Variants in DNAJC1 observed in about 807,000 individuals in gnomAD.
DNAJC1 encodes DnaJ heat shock protein family (Hsp40) member C1, also known as dnaJ homolog subfamily C member 1.
In DNAJC1, 58 loss-of-function variants were observed where a neutral mutation model predicts 76.6. The observed-to-expected ratio is 0.76, with a 90% confidence interval of 0.61 to 0.94. The LOEUF (loss-of-function observed/expected upper bound fraction) is 0.94, where lower values mean the gene tolerates loss of function less well. DNAJC1 is among the 40% of genes least tolerant of loss of function. The pLI is 0.00. For synonymous variants in DNAJC1, 258 were observed against 267.9 expected (o/e 0.96, Z 0.36); for missense variants, 689 against 677.3 (o/e 1.02, Z -0.19).
In DNAJC1 at chr10:21,774,174, C is replaced by T. The variant is rs1282246949; in HGVS notation, c.1099-7865G>A. 2.0e-5 allele frequency among the ~76,000 whole-genome samples: 3 copies of T among 149,474 alleles called. No individual in the cohort carries two copies. The East Asian group carries it at 5.9e-4, about 29-fold the overall frequency. ...AAAAAAAAAAAGATGTATAAAGATACAGAATATATTGCATTTTACCTAAAT... is the reference window on the plus strand; with the variant it reads ...AAAAAAAAAAAGATGTATAAAGATATAGAATATATTGCATTTTACCTAAAT... On this transcript the variant is annotated intron_variant, in intron 9 of 11. Coordinates refer to ENST00000376980, the MANE Select transcript of DNAJC1 (RefSeq NM_022365.4).
At chr10:21,954,729 G>A (rs1006107561) in intron 1 of DNAJC1, among the ~76,000 whole-genome samples, 46 of 152,162 alleles carry the variant, frequency 3.0e-4, no homozygotes, top group African/African-American at 1.1e-3. Context: ...TTCCTACTAT[G>A]TACCAGGTAC....
chr10:21,952,715 C>A (rs1019685569), intron 1 of DNAJC1, among the ~76,000 whole-genome samples: 5 of 151,996 alleles, frequency 3.3e-5, no homozygotes, highest in Non-Finnish European at 1.5e-5. Flanking sequence ...GCTGAGATTG[C>A]GCCACTGCAC....
intron 8 of DNAJC1, among the ~76,000 whole-genome samples, chr10:21,817,766 T>C (rs367869169): frequency 2.0e-5 from 3 of 152,202 alleles, no homozygotes; most frequent in East Asian, 1.9e-4. Context: ...CCCAAATTAA[T>C]ACTTTTATAA....
chr10:21,963,664 G>C (rs1363722493), intron 1 of DNAJC1, among the ~76,000 whole-genome samples: 3 of 152,110 alleles, frequency 2.0e-5, no homozygotes, highest in African/African-American at 7.2e-5. Context: ...CTTGACTTCT[G>C]ATCTTTTTGC....
chr10:21,864,684 T>G (rs1170683218), intron 8 of DNAJC1, among the ~76,000 whole-genome samples: 1 of 151,952 alleles, frequency 6.6e-6, no homozygotes, highest in Admixed American at 6.6e-5. Flanking sequence ...TTAGCGACTT[T>G]GAGTTTGGCA....
At chr10:21,810,730 A>G (rs577594732) in intron 8 of DNAJC1, among the ~76,000 whole-genome samples, 21 of 152,312 alleles carry the variant, frequency 1.4e-4, no homozygotes, top group Admixed American at 7.2e-4. Flanking sequence ...CTGCCTGTCC[A>G]TTTAACAGCC....
chr10:21,908,033 A>T (rs560936005), intron 6 of DNAJC1, among the ~76,000 whole-genome samples: 1 of 113,116 alleles, frequency 8.8e-6, no homozygotes, highest in Non-Finnish European at 1.7e-5. Context: ...ATAAATATAT[A>T]ATATAATATA....
chr10:21,822,114 G>T (rs1309218826), intron 8 of DNAJC1, among the ~76,000 whole-genome samples: 1 of 152,118 alleles, frequency 6.6e-6, no homozygotes, highest in African/African-American at 2.4e-5. Flanking sequence ...GTTATGTTTA[G>T]TTTTGTTATA....
chr10:21,971,890 C>T (rs1447603677), intron 1 of DNAJC1, among the ~76,000 whole-genome samples: 1 of 151,888 alleles, frequency 6.6e-6, no homozygotes, highest in Non-Finnish European at 1.5e-5. Flanking sequence ...GTCATGTAAA[C>T]AGATTTCAAA....
chr10:21,894,545 T>A (rs1836509868), intron 7 of DNAJC1, among the ~76,000 whole-genome samples: 1 of 152,142 alleles, frequency 6.6e-6, no homozygotes, highest in African/African-American at 2.4e-5. Flanking sequence ...CACTCCAGCC[T>A]GGGCAACAAG....
intron 8 of DNAJC1, among the ~76,000 whole-genome samples, chr10:21,842,696 G>A (rs1362120381): frequency 1.3e-5 from 2 of 152,196 alleles, no homozygotes; most frequent in African/African-American, 2.4e-5. Context: ...AGTAAATATG[G>A]AGGATGAACA....
At chr10:21,769,127 CA>C (rs1281049796) in intron 9 of DNAJC1, among the ~76,000 whole-genome samples, 1 of 152,180 alleles carries the variant, frequency 6.6e-6, no homozygotes, top group Non-Finnish European at 1.5e-5. Flanking sequence ...CTACCCTTGC[CA>C]TTCATGTTCT....
At chr10:21,836,098 G>A (rs2131673554) in intron 8 of DNAJC1, among the ~76,000 whole-genome samples, 1 of 152,308 alleles carries the variant, frequency 6.6e-6, no homozygotes, top group South Asian at 2.1e-4. Context: ...TACCCACAAA[G>A]GGAAGCCCAT....
intron 1 of DNAJC1, among the ~76,000 whole-genome samples, chr10:21,982,168 C>A (rs1382140740): frequency 6.6e-6 from 1 of 152,122 alleles, no homozygotes; most frequent in Non-Finnish European, 1.5e-5. Context: ...TGCAACTGTT[C>A]CTGATTAAAA....
At chr10:21,797,993 C>T (rs199717774) in intron 9 of DNAJC1, among the ~76,000 whole-genome samples, 1 of 152,104 alleles carries the variant, frequency 6.6e-6, no homozygotes, top group African/African-American at 2.4e-5. Context: ...TTTAAAAAGT[C>T]GCTTTTAAAA....
intron 1 of DNAJC1, among the ~76,000 whole-genome samples, chr10:21,947,042 T>C (rs1404048145): frequency 1.3e-5 from 2 of 152,206 alleles, no homozygotes; most frequent in Non-Finnish European, 2.9e-5. Flanking sequence ...GATATTGGAC[T>C]TTCCAGCTCC....
chr10:21,865,389 A>T (rs919159572), intron 8 of DNAJC1: 1 of 152,158 alleles, frequency 6.6e-6, no homozygotes, highest in African/African-American at 2.4e-5. Context: ...ATTACTTAGC[A>T]CAAAAAAAGG....
At chr10:21,982,933 T>C (rs1475460107) in intron 1 of DNAJC1, among the ~76,000 whole-genome samples, 1 of 152,150 alleles carries the variant, frequency 6.6e-6, no homozygotes, top group Non-Finnish European at 1.5e-5. Flanking sequence ...CGCACATCTA[T>C]AATCCCAGCT....
chr10:21,871,409 G>C (rs1376334314), intron 8 of DNAJC1, among the ~76,000 whole-genome samples: 1 of 149,678 alleles, frequency 6.7e-6, no homozygotes, highest in Non-Finnish European at 1.5e-5. Flanking sequence ...AAGATGGAAA[G>C]AATTTTTGCT....
Sources: gnomAD v4.1 joint callset for allele counts (sites outside exome capture counted in the v4.1 genomes callset) on GRCh38, gnomAD v4.1.1 for gene constraint, MANE v1.5 for transcripts, NCBI Gene and HGNC (gene_info 2026-07-23, HGNC 2026-07-21) for gene names.